Variants in TMEM18 observed in about 807,000 individuals in gnomAD.
TMEM18 encodes transmembrane protein 18.
A neutral mutation model predicts 17.4 loss-of-function variants in TMEM18; 14 were observed. The ratio of observed to expected loss-of-function variants is 0.80; its 90% CI spans 0.53 to 1.25. The LOEUF (loss-of-function observed/expected upper bound fraction) is 1.25, where lower values mean the gene tolerates loss of function less well. Ranked by LOEUF, TMEM18 falls within the 50% of genes most tolerant of loss-of-function variation. TMEM18 has a pLI of 0.00. For synonymous variants in TMEM18, 86 were observed against 66.1 expected (o/e 1.30, Z -1.46); for missense variants, 187 against 172.1 (o/e 1.09, Z -0.48).
In TMEM18 at chr2:667,326, A is replaced by T. The variant is rs561874176; in HGVS notation, c.*2254T>A. 3 of 152,320 alleles carry T rather than the reference A, an allele frequency of 2.0e-5. No individual in the cohort carries two copies. The East Asian group carries it at 5.8e-4, about 29-fold the overall frequency. 9.4% of individuals were successfully genotyped at this position (152,320 alleles called of 1,614,324 possible). On this transcript the variant is annotated 3_prime_UTR_variant, in exon 5 of 5. Transcript: ENST00000281017. ...CATTTTTTTGAAAAAAACAAAAAAA[A>T]ATACTACATATTATTAAAGATGTAT... is the stretch of plus-strand genomic sequence containing the variant.
chr2:676,462 A>C, intron 1 of TMEM18: 1 of 1,335,902 alleles, frequency 7.5e-7, no homozygotes. Flanking sequence ...AGCCCGGCAC[A>C]GCCCTCCAGA....
chr2:677,243 TC>T (rs770121432), intron 1 of TMEM18, 45 bp downstream of exon 1: 27 of 1,585,492 alleles, frequency 1.7e-5, no homozygotes, highest in Non-Finnish European at 1.9e-5. Flanking sequence ...CCTACGCCTC[TC>T]CGCCGTCCTC....
intron 2 of TMEM18, among the ~76,000 whole-genome samples, chr2:674,640 C>T (rs1310460581): frequency 6.6e-6 from 1 of 152,254 alleles, no homozygotes; most frequent in Non-Finnish European, 1.5e-5. Context: ...CACTGTGATG[C>T]AAACCCTCAT....
chr2:674,677 CTCT>C (rs1163486956), intron 2 of TMEM18, among the ~76,000 whole-genome samples: 1 of 152,254 alleles, frequency 6.6e-6, no homozygotes, highest in Non-Finnish European at 1.5e-5. Flanking sequence ...CTAAGATCAT[CTCT>C]TCTTCAGATT....
rs558312511 is a variant in TMEM18, at chr2:672,213, A to G, written c.233+595T>C. ...AACGTAAAAGCCATTTTTAGCTCAC[A>G]GGCCACTCAAAAACAGTCCGTGGGT... is the stretch of plus-strand genomic sequence containing the variant. On this transcript the variant is annotated intron_variant, in intron 3 of 4. Transcript: ENST00000281017. Among the ~76,000 whole-genome samples the G allele has an allele frequency of 2.0e-3, 300 of 152,270 alleles. 2 individuals carry two copies. The highest frequency in any genetic ancestry group is 3.0e-3 in the Non-Finnish European group (206 of 68,016).
intron 1 of TMEM18, chr2:676,618 C>T (rs1254736655): frequency 1.3e-6 from 2 of 1,550,482 alleles, no homozygotes; most frequent in Admixed American, 3.9e-5. Flanking sequence ...GGCTTTCTGC[C>T]CAGACCCCAT....
chr2:669,770 G>A lies in TMEM18; in HGVS notation c.314C>T (p.Ala105Val). ...TCATCTACGTACCACAATGATCATG[G>A]CATTCACCAGCAGTGGGGCTGAAAA... is the stretch of plus-strand genomic sequence containing the variant. ...IVFSAPLLVN[A>V]MIIVVMWVWK... The change falls in exon 4 of 5, where the codon GCC (alanine) becomes GTC (valine). Residue 105 changes from alanine (A) to valine (V), a missense_variant. By Grantham distance (64) the Ala-to-Val change is moderately conservative. Transcript: ENST00000281017. 6.2e-7 allele frequency: 1 copy of A among 1,614,002 alleles called. No homozygotes were observed. The highest frequency in any genetic ancestry group is 8.5e-7 in the Non-Finnish European group (1 of 1,179,974).
chr2:669,354 T>C lies in TMEM18; in HGVS notation c.*226A>G. ...CTCTGCAGAGACCGTTCCCACAGCC[T>C]GACTACAAAGATCAGGCACCTGAAG... On this transcript the variant is annotated 3_prime_UTR_variant, in exon 5 of 5. Transcript: ENST00000281017. 1 of 569,342 alleles carries C rather than the reference T, an allele frequency of 1.8e-6. No homozygotes were observed. Among genetic ancestry groups the C allele is most frequent in the Non-Finnish European group, 3.1e-6 (1 of 320,828 alleles). 35.3% of individuals were successfully genotyped at this position (569,342 alleles called of 1,614,324 possible). A position where few individuals can be genotyped will look rare whatever the true frequency, so the allele number is the denominator to read the frequency against.
At position 666,219 on chromosome 2, in the gene TMEM18, C is replaced by G. The variant is rs1013384833; in HGVS notation, c.*3361G>C. Among the ~76,000 whole-genome samples, 2 of 152,164 alleles carry G rather than the reference C, an allele frequency of 1.3e-5. No homozygotes were observed. The highest frequency in any genetic ancestry group is 2.4e-5 in the African/African-American group (1 of 41,440). On this transcript the variant is annotated 3_prime_UTR_variant, in exon 5 of 5. Coordinates refer to ENST00000281017, the MANE Select transcript of TMEM18 (RefSeq NM_152834.4). ...CAGGACTGGAGCAGAAGGCAGTAGCCCTGAGGCTTACAGAGCAGACCCTAT... is the reference window on the plus strand; with the variant it reads ...CAGGACTGGAGCAGAAGGCAGTAGCGCTGAGGCTTACAGAGCAGACCCTAT...
At chr2:673,399 C>T (rs186372366) in intron 2 of TMEM18, among the ~76,000 whole-genome samples, 1 of 151,990 alleles carries the variant, frequency 6.6e-6, no homozygotes, top group African/African-American at 2.4e-5. Flanking sequence ...GGGGGCAGGG[C>T]AAGGCCTCCA....
At chr2:677,265 G>C in intron 1 of TMEM18, 24 bp downstream of exon 1, 1 of 1,606,456 alleles carries the variant, frequency 6.2e-7, no homozygotes, top group Non-Finnish European at 8.5e-7. Context: ...CCCCGAACTG[G>C]TGGTTACGCG....
chr2:670,185 G>C (rs1678805355), intron 3 of TMEM18: 1 of 252,970 alleles, frequency 4.0e-6, no homozygotes, highest in Non-Finnish European at 7.5e-6. Flanking sequence ...GGAAGACACT[G>C]ATGACTTGAA....
intron 2 of TMEM18, among the ~76,000 whole-genome samples, chr2:673,878 T>G (rs1572412618): frequency 1.7e-5 from 2 of 121,200 alleles, no homozygotes; most frequent in African/African-American, 6.4e-5. Flanking sequence ...GGGAGGAAGG[T>G]GTGGAGGGCT....
rs1426391719 is a variant in TMEM18 at position 668,149 on chromosome 2, CCTCT to C, written c.*1427_*1430del. The C allele has an allele frequency of 6.6e-6, 1 of 152,226 alleles. No individual in the cohort carries two copies. The highest frequency in any genetic ancestry group is 6.5e-5 in the Admixed American group (1 of 15,292). 9.4% of individuals were successfully genotyped at this position (152,226 alleles called of 1,614,324 possible). A position where few individuals can be genotyped will look rare whatever the true frequency, so the allele number is the denominator to read the frequency against. ...AAACCAGCAGATCTTGTGAGAACTC[CCTCT>C]CTATTATGATAACAACATAGGGGAA... On this transcript the variant is annotated 3_prime_UTR_variant, in exon 5 of 5. Transcript: ENST00000281017.
intron 3 of TMEM18, among the ~76,000 whole-genome samples, chr2:671,976 G>A (rs1375442696): frequency 4.0e-5 from 6 of 150,828 alleles, no homozygotes; most frequent in Non-Finnish European, 8.9e-5. Context: ...GAAAGGCTGA[G>A]CAGGGAGGAG....
rs954769089 is a variant in TMEM18, at chr2:666,985, G to A, written c.*2595C>T. ...TCCCACTCAACTTCGCGCCACTGAA[G>A]CTCCTTACCCTGAATTCCACCCCCA... On this transcript the variant is annotated 3_prime_UTR_variant, in exon 5 of 5. Transcript: ENST00000281017. Among the ~76,000 whole-genome samples the A allele has an allele frequency of 1.3e-5, 2 of 148,646 alleles. No individual in the cohort carries two copies. Among genetic ancestry groups the A allele is most frequent in the Non-Finnish European group, 1.5e-5 (1 of 67,568 alleles).
rs1312548171 is a variant in TMEM18 at position 664,099 on chromosome 2, A to G, written c.*5481T>C. Among the ~76,000 whole-genome samples, 1 of 152,246 alleles carries G rather than the reference A, an allele frequency of 6.6e-6. No homozygotes were observed. The highest frequency in any genetic ancestry group is 1.5e-5 in the Non-Finnish European group (1 of 68,042). On this transcript the variant is annotated 3_prime_UTR_variant, in exon 5 of 5. Transcript: ENST00000281017. ...TGGGTATTTCACAGGCATTTGTATA[A>G]TAAATGAAATGAACTTGGAAAGCAT...
Position 669,799 on chromosome 2 carries a change from T to A in TMEM18, c.285A>T (p.Ile95=). The change falls in exon 4 of 5, where the codon ATA becomes ATT. Residue 95 remains isoleucine, a synonymous_variant. Transcript: ENST00000281017. ...TCACCAGCAGTGGGGCTGAAAATAC[T>A]ATAGAAATGAACATCCCCCTGGAGT... The part of the protein sequence containing the change: ...YFDSRGMFIS[I]VFSAPLLVNA... 1 of 1,614,004 alleles carries A rather than the reference T, an allele frequency of 6.2e-7. No individual in the cohort carries two copies. Among genetic ancestry groups the A allele is most frequent in the South Asian group, 1.1e-5 (1 of 91,080 alleles).
At chr2:677,151 C>G (rs375582969) in intron 1 of TMEM18, 138 bp downstream of exon 1, 2 of 1,137,482 alleles carry the variant, frequency 1.8e-6, no homozygotes. Context: ...CAGGACCCTG[C>G]CCAGCGCGCG....
Sources: allele counts gnomAD v4.1 joint callset (sites outside exome capture counted in the v4.1 genomes callset), GRCh38; gene constraint gnomAD v4.1.1; transcripts MANE v1.5; gene names NCBI Gene and HGNC (gene_info 2026-07-23, HGNC 2026-07-21).